FAM237B: variants seen among roughly 807,000 people sequenced by gnomAD.
FAM237B encodes the protein protein FAM237B.
chr7:90,316,996 G>T lies in FAM237B; in HGVS notation c.*2333C>A, dbSNP rs528132617. On this transcript the variant is annotated 3_prime_UTR_variant, in exon 3 of 3. Transcript: ENST00000692316. ...TCATTTGCCCACAGACTGTAAAAGA[G>T]AACTGTTTTTTTTGAGGAAAACTGT... is the stretch of plus-strand genomic sequence containing the variant. 7.8e-4 allele frequency: 118 copies of T among 151,998 alleles called. 1 individual carries two copies. Among genetic ancestry groups the T allele is most frequent in the African/African-American group, 2.8e-3 (114 of 41,444 alleles). 9.4% of individuals were successfully genotyped at this position (151,998 alleles called of 1,614,324 possible).
In FAM237B at chr7:90,318,060, G is replaced by T. The variant is rs1794971406; in HGVS notation, c.*1269C>A. 2 of 152,152 alleles carry T rather than the reference G, an allele frequency of 1.3e-5. No individual in the cohort carries two copies. The highest frequency in any genetic ancestry group is 2.1e-4 in the South Asian group (1 of 4,834). The allele number at this position is 152,152 out of a possible 1,614,324, so 9.4% of individuals were successfully genotyped here. ...TGTCCCTCTTCACTAGGAGAAGTGG[G>T]AAACAGACCAAATTTATAGGCACCC... On this transcript the variant is annotated 3_prime_UTR_variant, in exon 3 of 3. Transcript: ENST00000692316.
In FAM237B at chr7:90,318,058, G is replaced by A. The variant is rs1319351707; in HGVS notation, c.*1271C>T. 1 of 152,112 alleles carries A rather than the reference G, an allele frequency of 6.6e-6. No individual in the cohort carries two copies. Among genetic ancestry groups the A allele is most frequent in the African/African-American group, 2.4e-5 (1 of 41,428 alleles). The allele number at this position is 152,112 out of a possible 1,614,324, so 9.4% of individuals were successfully genotyped here. A position where few individuals can be genotyped will look rare whatever the true frequency, so the allele number is the denominator to read the frequency against. Reference sequence around the variant, plus strand: ...TGTGTCCCTCTTCACTAGGAGAAGTGGGAAACAGACCAAATTTATAGGCAC... The same window carrying A: ...TGTGTCCCTCTTCACTAGGAGAAGTAGGAAACAGACCAAATTTATAGGCAC... On this transcript the variant is annotated 3_prime_UTR_variant, in exon 3 of 3. Transcript: ENST00000692316.
In FAM237B at chr7:90,316,977, G is replaced by C. The variant is rs1388753493; in HGVS notation, c.*2352C>G. On this transcript the variant is annotated 3_prime_UTR_variant, in exon 3 of 3. Transcript: ENST00000692316. ...TTGAACTTTTGAGCTTCAATCATTTGCCCACAGACTGTAAAAGAGAACTGT... is the reference window on the plus strand; with the variant it reads ...TTGAACTTTTGAGCTTCAATCATTTCCCCACAGACTGTAAAAGAGAACTGT... 2 of 152,172 alleles carry C rather than the reference G, an allele frequency of 1.3e-5. No individual in the cohort carries two copies. Among genetic ancestry groups the C allele is most frequent in the East Asian group, 3.9e-4 (2 of 5,180 alleles). 9.4% of individuals were successfully genotyped at this position (152,172 alleles called of 1,614,324 possible).
In FAM237B at chr7:90,321,023, G is replaced by C. The variant is rs13224016; in HGVS notation, c.-152C>G. ...GTCCTGGGTGCGCTACGCTCGTTGG[G>C]AGGAGGACGGGGCGCCTCCTGCCCA... On this transcript the variant is annotated 5_prime_UTR_variant, in exon 1 of 3. Transcript: ENST00000692316. The C allele has an allele frequency of 6.6e-6, 1 of 152,262 alleles. No individual in the cohort carries two copies. Among genetic ancestry groups the C allele is most frequent in the Non-Finnish European group, 1.5e-5 (1 of 68,068 alleles). The allele number at this position is 152,262 out of a possible 1,614,324, so 9.4% of individuals were successfully genotyped here.
In FAM237B at chr7:90,317,807, G is replaced by A. The variant is rs754650521; in HGVS notation, c.*1522C>T. 1.1e-4 allele frequency: 16 copies of A among 152,030 alleles called. No individual in the cohort carries two copies. The highest frequency in any genetic ancestry group is 2.6e-4 in the Admixed American group (4 of 15,258). The allele number at this position is 152,030 out of a possible 1,614,324, so 9.4% of individuals were successfully genotyped here. On this transcript the variant is annotated 3_prime_UTR_variant, in exon 3 of 3. Coordinates refer to ENST00000692316, the MANE Select transcript of FAM237B (RefSeq NM_001384237.2). ...TTACTTGTTCAGTATTATTTTAGCC[G>A]ATTTTAAAACTTTTTATATTTGAGT...
rs1461324975 is a variant in FAM237B at position 90,317,214 on chromosome 7, A to G, written c.*2115T>C. 3.9e-5 allele frequency: 6 copies of G among 152,194 alleles called. No homozygotes were observed. Among genetic ancestry groups the G allele is most frequent in the Non-Finnish European group, 8.8e-5 (6 of 68,014 alleles). The allele number at this position is 152,194 out of a possible 1,614,324, so 9.4% of individuals were successfully genotyped here. ...TCAACTTTTTACTCCTGTCACATAAATGTGACTCCTCTCAAATGAATCATC... is the reference window on the plus strand; with the variant it reads ...TCAACTTTTTACTCCTGTCACATAAGTGTGACTCCTCTCAAATGAATCATC... On this transcript the variant is annotated 3_prime_UTR_variant, in exon 3 of 3. Transcript: ENST00000692316.
chr7:90,319,098 G>T lies in FAM237B; in HGVS notation c.*231C>A. ...ATGGCTTTCTTATGAACTATTCATG[G>T]GCAAACAAGGATAATTTTAATTATC... On this transcript the variant is annotated 3_prime_UTR_variant, in exon 3 of 3. Coordinates refer to ENST00000692316, the MANE Select transcript of FAM237B (RefSeq NM_001384237.2). 1 of 304,202 alleles carries T rather than the reference G, an allele frequency of 3.3e-6. No individual in the cohort carries two copies. 18.8% of individuals were successfully genotyped at this position (304,202 alleles called of 1,614,324 possible).
In FAM237B at chr7:90,319,434, C is replaced by G. The variant is rs1257496875; in HGVS notation, c.315G>C (p.Leu105Phe). The change falls in exon 3 of 3, where the codon TTG (leucine) becomes TTC (phenylalanine). Residue 105 changes from leucine (L) to phenylalanine (F), a missense_variant. Coordinates refer to ENST00000692316, the MANE Select transcript of FAM237B (RefSeq NM_001384237.2). Reference protein sequence around the residue: ...QDFWDMYVDCLLSRSHGMGRR... With the variant: ...QDFWDMYVDCFLSRSHGMGRR... ...TGCCCATTCCATGAGATCTTGAAAG[C>G]AAGCAGTCTACATACATGTCCCAGA... 7.5e-6 allele frequency: 3 copies of G among 398,456 alleles called. No homozygotes were observed. Among genetic ancestry groups the G allele is most frequent in the Non-Finnish European group, 1.3e-5 (3 of 226,056 alleles). The allele number at this position is 398,456 out of a possible 1,614,324, so 24.7% of individuals were successfully genotyped here. A position where few individuals can be genotyped will look rare whatever the true frequency, so the allele number is the denominator to read the frequency against.
At position 90,319,159 on chromosome 7, in the gene FAM237B, T is replaced by C; in HGVS notation, c.*170A>G. On this transcript the variant is annotated 3_prime_UTR_variant, in exon 3 of 3. Coordinates refer to ENST00000692316, the MANE Select transcript of FAM237B (RefSeq NM_001384237.2). ...TATTATATTCCAAGATCATTTAAAATTGTAAGTCAGAGCTTGTGTGGTTTG... is the reference window on the plus strand; with the variant it reads ...TATTATATTCCAAGATCATTTAAAACTGTAAGTCAGAGCTTGTGTGGTTTG... 2.6e-6 allele frequency: 1 copy of C among 388,180 alleles called. No individual in the cohort carries two copies. The highest frequency in any genetic ancestry group is 4.5e-6 in the Non-Finnish European group (1 of 220,012). 24.0% of individuals were successfully genotyped at this position (388,180 alleles called of 1,614,324 possible).
In FAM237B at chr7:90,319,064, C is replaced by T. The variant is rs1795078818; in HGVS notation, c.*265G>A. Reference sequence around the variant, plus strand: ...TCAACAAATGTAATATGAATAATTACAGGGTTAAATGGCTTTCTTATGAAC... The same window carrying T: ...TCAACAAATGTAATATGAATAATTATAGGGTTAAATGGCTTTCTTATGAAC... On this transcript the variant is annotated 3_prime_UTR_variant, in exon 3 of 3. Coordinates refer to ENST00000692316, the MANE Select transcript of FAM237B (RefSeq NM_001384237.2). 4.2e-6 allele frequency: 1 copy of T among 235,356 alleles called. No individual in the cohort carries two copies. Among genetic ancestry groups the T allele is most frequent in the African/African-American group, 2.2e-5 (1 of 44,662 alleles). The allele number at this position is 235,356 out of a possible 1,614,324, so 14.6% of individuals were successfully genotyped here.
rs1197579911 is a variant in FAM237B at position 90,321,177 on chromosome 7, G to T, written c.-306C>A. 2 of 152,296 alleles carry T rather than the reference G, an allele frequency of 1.3e-5. No homozygotes were observed. The highest frequency in any genetic ancestry group is 2.9e-5 in the Non-Finnish European group (2 of 68,090). The allele number at this position is 152,296 out of a possible 1,614,324, so 9.4% of individuals were successfully genotyped here. A position where few individuals can be genotyped will look rare whatever the true frequency, so the allele number is the denominator to read the frequency against. On this transcript the variant is annotated 5_prime_UTR_variant, in exon 1 of 3. Coordinates refer to ENST00000692316, the MANE Select transcript of FAM237B (RefSeq NM_001384237.2). The stretch of plus-strand genomic sequence containing the variant: ...CACCCACCCCGAGCGCTCACCGGGC[G>T]CCCAAGCTCGCTCAGCGGAACCGTC...
In FAM237B at chr7:90,318,140, C is replaced by T. The variant is rs1042843795; in HGVS notation, c.*1189G>A. ...GCATTCAAAAAGTATTAATCTAAAC[C>T]GTAACTCCATTGTATTACTTCCCTG... On this transcript the variant is annotated 3_prime_UTR_variant, in exon 3 of 3. Coordinates refer to ENST00000692316, the MANE Select transcript of FAM237B (RefSeq NM_001384237.2). 2.0e-5 allele frequency: 3 copies of T among 152,126 alleles called. No homozygotes were observed. Among genetic ancestry groups the T allele is most frequent in the African/African-American group, 7.2e-5 (3 of 41,438 alleles). 9.4% of individuals were successfully genotyped at this position (152,126 alleles called of 1,614,324 possible). A position where few individuals can be genotyped will look rare whatever the true frequency, so the allele number is the denominator to read the frequency against.
rs1470007927 is a variant in FAM237B at position 90,318,853 on chromosome 7, A to C, written c.*476T>G. The C allele has an allele frequency of 6.6e-6, 1 of 152,196 alleles. No individual in the cohort carries two copies. The highest frequency in any genetic ancestry group is 1.5e-5 in the Non-Finnish European group (1 of 68,002). The allele number at this position is 152,196 out of a possible 1,614,324, so 9.4% of individuals were successfully genotyped here. A position where few individuals can be genotyped will look rare whatever the true frequency, so the allele number is the denominator to read the frequency against. On this transcript the variant is annotated 3_prime_UTR_variant, in exon 3 of 3. Coordinates refer to ENST00000692316, the MANE Select transcript of FAM237B (RefSeq NM_001384237.2). ...TTTCAGGTCGCTGTCATCTTGCTTGAGGTATTTTACATGTTTTCTCTTAAA... is the reference window on the plus strand; with the variant it reads ...TTTCAGGTCGCTGTCATCTTGCTTGCGGTATTTTACATGTTTTCTCTTAAA...
At position 90,319,380 on chromosome 7, in the gene FAM237B, A is replaced by G. The variant is rs941087695; in HGVS notation, c.369T>C (p.Asn123=). Residue 123 remains asparagine (N), a synonymous_variant, in exon 3 of 3, where the codon AAT becomes AAC. Coordinates refer to ENST00000692316, the MANE Select transcript of FAM237B (RefSeq NM_001384237.2). The part of the protein sequence containing the change: ...GRRQVMPPKY[N]FPQKITGGNL... ...TACCTCCTGTTATTTTCTGTGGAAA[A>G]TTATATTTGGGGGGCATCACCTGTC... 1.0e-5 allele frequency: 4 copies of G among 398,466 alleles called. No individual in the cohort carries two copies. The highest frequency in any genetic ancestry group is 8.2e-5 in the African/African-American group (4 of 48,630). 24.7% of individuals were successfully genotyped at this position (398,466 alleles called of 1,614,324 possible).
intron 2 of FAM237B, among the ~76,000 whole-genome samples, chr7:90,320,091 T>C (rs1584606928): frequency 6.6e-6 from 1 of 152,208 alleles, no homozygotes; most frequent in Non-Finnish European, 1.5e-5. Context: ...GTGATACGGT[T>C]CCGCAAGTCT....
In FAM237B at chr7:90,320,746, C is replaced by A. The variant is rs42611; in HGVS notation, c.-50-19G>T. 0.5 allele frequency: 75,952 copies of A among 152,258 alleles called. 19,920 individuals carry two copies. Among genetic ancestry groups the A allele is most frequent in the Non-Finnish European group, 0.59 (39,914 of 68,106 alleles). The allele number at this position is 152,258 out of a possible 1,614,324, so 9.4% of individuals were successfully genotyped here. A position where few individuals can be genotyped will look rare whatever the true frequency, so the allele number is the denominator to read the frequency against. ...AGTTGGGCTGAAGAGAGAAATCATACGAATCAAATCTAAACAGGACATTCA... is the reference window on the plus strand; with the variant it reads ...AGTTGGGCTGAAGAGAGAAATCATAAGAATCAAATCTAAACAGGACATTCA... On this transcript the variant is annotated intron_variant, in intron 1 of 2. Coordinates refer to ENST00000692316, the MANE Select transcript of FAM237B (RefSeq NM_001384237.2).
chr7:90,319,158 A>G lies in FAM237B; in HGVS notation c.*171T>C. On this transcript the variant is annotated 3_prime_UTR_variant, in exon 3 of 3. Coordinates refer to ENST00000692316, the MANE Select transcript of FAM237B (RefSeq NM_001384237.2). The stretch of plus-strand genomic sequence containing the variant: ...GTATTATATTCCAAGATCATTTAAA[A>G]TTGTAAGTCAGAGCTTGTGTGGTTT... The G allele has an allele frequency of 2.6e-6, 1 of 388,856 alleles. No homozygotes were observed. The highest frequency in any genetic ancestry group is 3.7e-5 in the East Asian group (1 of 27,322). 24.1% of individuals were successfully genotyped at this position (388,856 alleles called of 1,614,324 possible).
rs1434755133 is a variant in FAM237B, at chr7:90,319,200, GA to G, written c.*128del. 1 of 389,646 alleles carries G rather than the reference GA, an allele frequency of 2.6e-6. No individual in the cohort carries two copies. The highest frequency in any genetic ancestry group is 2.1e-5 in the African/African-American group (1 of 48,346). 24.1% of individuals were successfully genotyped at this position (389,646 alleles called of 1,614,324 possible). On this transcript the variant is annotated 3_prime_UTR_variant, in exon 3 of 3. Transcript: ENST00000692316. Reference sequence around the variant, plus strand: ...GTGTGGTTTGTAAATAATGTAAAATGAGTAAAAATGAGAATCAAAACCTATC... The same window carrying G: ...GTGTGGTTTGTAAATAATGTAAAATGGTAAAAATGAGAATCAAAACCTATC...
In FAM237B at chr7:90,319,085, T is replaced by G. The variant is rs1343364717; in HGVS notation, c.*244A>C. 3.3e-6 allele frequency: 1 copy of G among 303,532 alleles called. No individual in the cohort carries two copies. Among genetic ancestry groups the G allele is most frequent in the African/African-American group, 2.1e-5 (1 of 46,742 alleles). The allele number at this position is 303,532 out of a possible 1,614,324, so 18.8% of individuals were successfully genotyped here. On this transcript the variant is annotated 3_prime_UTR_variant, in exon 3 of 3. Transcript: ENST00000692316. The stretch of plus-strand genomic sequence containing the variant: ...ATTACAGGGTTAAATGGCTTTCTTA[T>G]GAACTATTCATGGGCAAACAAGGAT...
Sources: gnomAD v4.1 joint callset for allele counts (sites outside exome capture counted in the v4.1 genomes callset) on GRCh38, gnomAD v4.1.1 for gene constraint, MANE v1.5 for transcripts, NCBI Gene and HGNC (gene_info 2026-07-23, HGNC 2026-07-21) for gene names.